GOLGA4: variants seen among roughly 807,000 people sequenced by gnomAD.
GOLGA4 encodes golgin A4.
In GOLGA4, 169 loss-of-function variants were observed where a neutral mutation model predicts 265.9. The observed-to-expected ratio is 0.64, with a 90% CI of 0.56 to 0.72. GOLGA4 has a LOEUF of 0.72. GOLGA4 is among the 30% of genes least tolerant of loss of function. GOLGA4 has a pLI of 0.00. For synonymous variants in GOLGA4, 923 were observed against 855.8 expected (o/e 1.08, Z -1.37); for missense variants, 2,482 against 2,483.4 (o/e 1.00, Z 0.01).
chr3:37,271,584 A>G (rs1190160024), intron 2 of GOLGA4, among the ~76,000 whole-genome samples: 1 of 152,116 alleles, frequency 6.6e-6, no homozygotes, highest in Admixed American at 6.6e-5. Context: ...TGTTTTATCT[A>G]TTAGCCTACC....
At chr3:37,344,083 A>C (rs2097048089) in intron 20 of GOLGA4, among the ~76,000 whole-genome samples, 1 of 152,230 alleles carries the variant, frequency 6.6e-6, no homozygotes, top group South Asian at 2.1e-4. Context: ...AAGCAGGATA[A>C]ATTCTGTCTG....
At chr3:37,307,269 A>G (rs969543983) in intron 10 of GOLGA4, among the ~76,000 whole-genome samples, 18 of 152,284 alleles carry the variant, frequency 1.2e-4, no homozygotes, top group African/African-American at 3.8e-4. Context: ...ATTCATTTGT[A>G]TAGTATAGGT....
chr3:37,276,200 T>C, intron 2 of GOLGA4: 1 of 1,580,664 alleles, frequency 6.3e-7, no homozygotes. Flanking sequence ...AGAATTAGGA[T>C]CTCAAATTGA....
intron 20 of GOLGA4, among the ~76,000 whole-genome samples, chr3:37,344,492 C>CTTTTTTT (rs56761489): frequency 8.5e-6 from 1 of 118,204 alleles, no homozygotes; most frequent in Non-Finnish European, 1.7e-5. Context: ...ACCTCACTGT[C>CTTTTTTT]TTTTTTTTTT....
chr3:37,330,834 C>T (rs907290744), intron 16 of GOLGA4, among the ~76,000 whole-genome samples: 2 of 151,948 alleles, frequency 1.3e-5, no homozygotes, highest in South Asian at 4.2e-4. Flanking sequence ...TCAAGACCAG[C>T]CTGGCCAACA....
intron 11 of GOLGA4, 97 bp downstream of exon 11, chr3:37,315,695 AT>A: frequency 9.9e-7 from 1 of 1,011,928 alleles, no homozygotes; most frequent in Non-Finnish European, 1.5e-6. Context: ...GTTTGTTTGT[AT>A]TTTAGACATT....
chr3:37,266,965 A>C (rs2096785443), intron 2 of GOLGA4: 1 of 1,096,082 alleles, frequency 9.1e-7, no homozygotes, highest in Non-Finnish European at 1.2e-6. Context: ...CGCTTTCTGC[A>C]TTCCCTTTGT....
chr3:37,328,510 C>G lies in GOLGA4; in HGVS notation c.6034C>G (p.Leu2012Val), dbSNP rs750153151. 4 of 1,612,142 alleles carry G rather than the reference C, an allele frequency of 2.5e-6. No individual in the cohort carries two copies. Among genetic ancestry groups the G allele is most frequent in the East Asian group, 2.2e-5 (1 of 44,786 alleles). ...ACAGCTGGCACAAAAGGAACAAGAG[C>G]TGGAAATGACCATAAAAGAAACTAT... Reference protein sequence around the residue: ...NTQLAQKEQELEMTIKETINK... With the variant: ...NTQLAQKEQEVEMTIKETINK... Residue 2012 changes from leucine to valine, a missense_variant, in exon 15 of 24, where the codon CTG becomes GTG. By Grantham distance (32) the Leu-to-Val change is conservative (BLOSUM62 1). Coordinates refer to ENST00000361924, the MANE Select transcript of GOLGA4 (RefSeq NM_002078.5).
At chr3:37,336,794 G>A (rs2151004493) in intron 17 of GOLGA4, among the ~76,000 whole-genome samples, 1 of 151,478 alleles carries the variant, frequency 6.6e-6, no homozygotes, top group Non-Finnish European at 1.5e-5. Context: ...GAGAGAAAGA[G>A]AAAGAGAAAG....
intron 2 of GOLGA4, chr3:37,276,153 C>A (rs993503221): frequency 1.2e-6 from 2 of 1,603,024 alleles, no homozygotes; most frequent in African/African-American, 2.7e-5. Flanking sequence ...GCTCTTCGAA[C>A]AGGGGATGAC....
intron 20 of GOLGA4, among the ~76,000 whole-genome samples, chr3:37,345,140 G>T (rs2097052143): frequency 6.6e-6 from 1 of 152,142 alleles, no homozygotes; most frequent in Non-Finnish European, 1.5e-5. Context: ...AATCCAGGAG[G>T]TTGAAGCTGC....
In GOLGA4 at chr3:37,329,085, A is replaced by C; in HGVS notation, c.6184A>C (p.Ile2062Leu). 1 of 1,603,466 alleles carries C rather than the reference A, an allele frequency of 6.2e-7. No homozygotes were observed. Among genetic ancestry groups the C allele is most frequent in the Non-Finnish European group, 8.5e-7 (1 of 1,176,048 alleles). ...ACGAACAGCCAAAAGATATGAAGAA[A>C]TCCTTGATGTTTGTACCTTATTTCT... ...LKRTAKRYEE[I>L]LDAREEEMTA... Residue 2062 changes from isoleucine to leucine, a missense_variant, in exon 16 of 24, where the codon ATC (isoleucine) becomes CTC (leucine). Coordinates refer to ENST00000361924, the MANE Select transcript of GOLGA4 (RefSeq NM_002078.5).
chr3:37,359,832 A>T (rs2097099927), intron 22 of GOLGA4, among the ~76,000 whole-genome samples: 1 of 152,198 alleles, frequency 6.6e-6, no homozygotes. Flanking sequence ...GGCTCAGAAG[A>T]TGCATGCAAG....
At chr3:37,271,487 A>G (rs2096798483) in intron 2 of GOLGA4, among the ~76,000 whole-genome samples, 1 of 152,234 alleles carries the variant, frequency 6.6e-6, no homozygotes, top group African/African-American at 2.4e-5. Flanking sequence ...AACATATTAC[A>G]AAAGTGGAAA....
intron 2 of GOLGA4, chr3:37,276,742 T>C (rs2096820435): frequency 2.7e-6 from 2 of 739,010 alleles, no homozygotes; most frequent in Non-Finnish European, 4.7e-6. Flanking sequence ...TAACATCCCT[T>C]CCTTAAATGC....
rs2096971371 is a variant in GOLGA4 at position 37,326,538 on chromosome 3, A to G, written c.4652A>G (p.Tyr1551Cys). ...IESLNEVLKN[Y>C]NQQKDIEHKE... ...TCCTTAAATGAAGTTCTTAAAAATT[A>G]CAATCAACAAAAGGATATTGAACAC... Residue 1551 changes from tyrosine to cysteine, a missense_variant, in exon 14 of 24, where the codon TAC becomes TGC. Physicochemically the swap from Tyr to Cys is radical, Grantham distance 194. This residue lies in a region of GOLGA4 where 942 missense variants were observed against 983.1 expected (regional missense o/e 0.96). Transcript: ENST00000361924. The G allele has an allele frequency of 6.2e-6, 10 of 1,607,416 alleles. No homozygotes were observed. Among genetic ancestry groups the G allele is most frequent in the Middle Eastern group, 1.7e-4 (1 of 6,058 alleles).
At chr3:37,282,547 C>T (rs1352847583) in intron 3 of GOLGA4, among the ~76,000 whole-genome samples, 2 of 152,164 alleles carry the variant, frequency 1.3e-5, no homozygotes, top group Non-Finnish European at 2.9e-5. Context: ...CCTCTCCTTT[C>T]GTAGTCCCTC....
At position 37,282,054 on chromosome 3, in the gene GOLGA4, T is replaced by G; in HGVS notation, c.259T>G (p.Ser87Ala). 1.2e-6 allele frequency: 2 copies of G among 1,614,024 alleles called. No individual in the cohort carries two copies. The highest frequency in any genetic ancestry group is 2.2e-5 in the South Asian group (2 of 91,076). ...RSPIKESLFR[S>A]SSKESLVRTS... is the part of the protein sequence containing the mutation. ...TCCGATAAAGGAATCTCTATTCCGG[T>G]CTTCTTCTAAAGAGTCTTTGGTACG... The change falls in exon 3 of 24, where the codon TCT becomes GCT. Residue 87 changes from serine (S) to alanine (A), a missense_variant. Physicochemically the swap from Ser to Ala is moderately conservative, Grantham distance 99. Around this residue, in one of 3 missense-constraint regions of GOLGA4, gnomAD observed 1,536 missense variants for 1,483.7 expected, o/e 1.04. Transcript: ENST00000361924.
chr3:37,366,020 C>A, intron 23 of GOLGA4, 60 bp from the exon 24 acceptor site: 3 of 1,412,954 alleles, frequency 2.1e-6, no homozygotes, highest in Non-Finnish European at 2.9e-6. Context: ...AAAAGTCAAC[C>A]TAAATGTTTT....
Sources: allele counts gnomAD v4.1 joint callset (sites outside exome capture counted in the v4.1 genomes callset), GRCh38; gene constraint gnomAD v4.1.1; regional missense constraint gnomAD v4.1.1; transcripts MANE v1.5; gene names NCBI Gene and HGNC (gene_info 2026-07-23, HGNC 2026-07-21).